THUMPD3: variants seen among roughly 807,000 people sequenced by gnomAD.
THUMPD3 encodes the protein tRNA (guanine(6)-N(2))-methyltransferase THUMP3.
Under a neutral mutation model 54.5 loss-of-function variants are expected in THUMPD3, and 44 were observed. The ratio of observed to expected loss-of-function variants is 0.81; its 90% CI spans 0.63 to 1.04. The LOEUF is 1.04. Ranked by LOEUF, THUMPD3 falls within the 50% of genes least tolerant of loss-of-function variation. The pLI is 0.00. For synonymous variants in THUMPD3, 196 were observed against 201.4 expected, an observed-to-expected ratio of 0.97 and a Z score of 0.23; for missense variants, 604 against 601.3, an observed-to-expected ratio of 1.00 and a Z score of -0.05.
intron 7 of THUMPD3, among the ~76,000 whole-genome samples, chr3:9,381,328 A>G (rs2032875044): frequency 6.6e-6 from 1 of 152,176 alleles, no homozygotes; most frequent in African/African-American, 2.4e-5. Flanking sequence ...TTGGTTATAT[A>G]TTTCATTGTC....
At chr3:9,384,186 T>C (rs755750155) in intron 8 of THUMPD3, 26 bp from the exon 9 acceptor site, 1 of 1,609,950 alleles carries the variant, frequency 6.2e-7, no homozygotes, top group East Asian at 2.2e-5. Context: ...TTGCAAGTGT[T>C]TGACTCATGA....
In THUMPD3 at chr3:9,385,741, G is replaced by C. The variant is rs891203487; in HGVS notation, c.*1053G>C. On this transcript the variant is annotated 3_prime_UTR_variant, in exon 10 of 10. Coordinates refer to ENST00000452837, the MANE Select transcript of THUMPD3 (RefSeq NM_001114092.2). ...TGTTTTCAAAACCAAACACAAACCT[G>C]TCAAGAGTATTTGTTGGCTAGTTTC... 2 of 152,166 alleles carry C rather than the reference G, an allele frequency of 1.3e-5. 1 individual carries two copies. The highest frequency in any genetic ancestry group is 2.9e-5 in the Non-Finnish European group (2 of 68,036). 9.4% of individuals were successfully genotyped at this position (152,166 alleles called of 1,614,324 possible).
chr3:9,366,886 T>G, intron 2 of THUMPD3, 22 bp from the exon 3 acceptor site: 1 of 1,592,618 alleles, frequency 6.3e-7, no homozygotes, highest in Non-Finnish European at 8.6e-7. Flanking sequence ...CTCAGAAATG[T>G]GTTTCTTTTT....
chr3:9,384,826 G>A lies in THUMPD3; in HGVS notation c.*138G>A, dbSNP rs2033220806. 2.1e-6 allele frequency: 2 copies of A among 964,516 alleles called. No individual in the cohort carries two copies. Among genetic ancestry groups the A allele is most frequent in the Non-Finnish European group, 3.0e-6 (2 of 656,602 alleles). The allele number at this position is 964,516 out of a possible 1,614,324, so 59.7% of individuals were successfully genotyped here. On this transcript the variant is annotated 3_prime_UTR_variant, in exon 10 of 10. Transcript: ENST00000452837. ...GGCTCTTCATCCTGGTTAGCAAAAGGTGTGAATGTAATGTGATGGAATTTA... is the reference window on the plus strand; with the variant it reads ...GGCTCTTCATCCTGGTTAGCAAAAGATGTGAATGTAATGTGATGGAATTTA...
In THUMPD3 at chr3:9,374,513, T is replaced by C; in HGVS notation, c.808-3T>C. On this transcript the variant is annotated splice_region_variant and splice_polypyrimidine_tract_variant and intron_variant, in intron 4 of 9. Coordinates refer to ENST00000452837, the MANE Select transcript of THUMPD3 (RefSeq NM_001114092.2). ...TATTTTGTCTTGTTCCACTTTGCTA[T>C]AGGTTCTTTTGAACATCCATGATAA... 6.2e-7 allele frequency: 1 copy of C among 1,613,248 alleles called. No individual in the cohort carries two copies.
At position 9,373,139 on chromosome 3, in the gene THUMPD3, A is replaced by G. The variant is rs370329552; in HGVS notation, c.808-1377A>G. The stretch of plus-strand genomic sequence containing the variant: ...AATGAATAGGTTAACCAGAACAGTG[A>G]TGTCTAAAAGTTAGCAAGGTGATTC... On this transcript the variant is annotated intron_variant, in intron 4 of 9. Coordinates refer to ENST00000452837, the MANE Select transcript of THUMPD3 (RefSeq NM_001114092.2). Among the ~76,000 whole-genome samples the G allele has an allele frequency of 1.6e-4, 25 of 152,244 alleles. No individual in the cohort carries two copies. The East Asian group carries it at 4.6e-3, about 28-fold the overall frequency.
Position 9,371,551 on chromosome 3 carries a change from T to G in THUMPD3, c.807+15T>G. Reference sequence around the variant, plus strand: ...TTGATGTGGAGGTAGGTATAGGCTCTGACTGTGGTGATTGAAGAATGCTGT... The same window carrying G: ...TTGATGTGGAGGTAGGTATAGGCTCGGACTGTGGTGATTGAAGAATGCTGT... On this transcript the variant is annotated intron_variant, in intron 4 of 9. Coordinates refer to ENST00000452837, the MANE Select transcript of THUMPD3 (RefSeq NM_001114092.2). The G allele has an allele frequency of 6.3e-7, 1 of 1,575,450 alleles. No individual in the cohort carries two copies. The highest frequency in any genetic ancestry group is 8.7e-7 in the Non-Finnish European group (1 of 1,155,644).
rs2033215581 is a variant in THUMPD3 at position 9,384,762 on chromosome 3, T to C, written c.*74T>C. ...AAAGAACTTGGAGAGGAAAAAAGTATTAACAAAACTGCAGTCTGCACTCTT... is the reference window on the plus strand; with the variant it reads ...AAAGAACTTGGAGAGGAAAAAAGTACTAACAAAACTGCAGTCTGCACTCTT... On this transcript the variant is annotated 3_prime_UTR_variant, in exon 10 of 10. Coordinates refer to ENST00000452837, the MANE Select transcript of THUMPD3 (RefSeq NM_001114092.2). 1.3e-6 allele frequency: 2 copies of C among 1,549,996 alleles called. No homozygotes were observed. The highest frequency in any genetic ancestry group is 1.4e-5 in the African/African-American group (1 of 73,562).
intron 6 of THUMPD3, 52 bp downstream of exon 6, chr3:9,377,940 T>G: frequency 7.0e-7 from 1 of 1,431,654 alleles, no homozygotes; most frequent in Non-Finnish European, 9.8e-7. Context: ...CAGAATATTC[T>G]AGACCTAATG....
rs190398057 is a variant in THUMPD3, at chr3:9,381,267, A to C, written c.1124+649A>C. 5.9e-5 allele frequency among the ~76,000 whole-genome samples: 9 copies of C among 152,330 alleles called. No homozygotes were observed. The East Asian group carries it at 1.7e-3, about 29-fold the overall frequency. Reference sequence around the variant, plus strand: ...AAAGTCACTACATAAATTCCATCGTATAGAAATACTGCAGTTTATATAGCC... The same window carrying C: ...AAAGTCACTACATAAATTCCATCGTCTAGAAATACTGCAGTTTATATAGCC... On this transcript the variant is annotated intron_variant, in intron 7 of 9. Transcript: ENST00000452837.
chr3:9,386,747 G>T lies in THUMPD3; in HGVS notation c.*2059G>T, dbSNP rs1255559500. 1 of 152,058 alleles carries T rather than the reference G, an allele frequency of 6.6e-6. No homozygotes were observed. 9.4% of individuals were successfully genotyped at this position (152,058 alleles called of 1,614,324 possible). On this transcript the variant is annotated 3_prime_UTR_variant, in exon 10 of 10. Coordinates refer to ENST00000452837, the MANE Select transcript of THUMPD3 (RefSeq NM_001114092.2). ...TCAAAGTGGGTCTCCTGGACTAAAA[G>T]AATGTGAAAAGATGGGGAAATAAAT...
chr3:9,372,240 T>C (rs1417193792), intron 4 of THUMPD3, among the ~76,000 whole-genome samples: 1 of 152,220 alleles, frequency 6.6e-6, no homozygotes, highest in Admixed American at 6.5e-5. Context: ...AAAATAGTTA[T>C]TTTGTTTTTG....
chr3:9,381,739 T>C (rs1270565900), intron 7 of THUMPD3, among the ~76,000 whole-genome samples: 1 of 147,004 alleles, frequency 6.8e-6, no homozygotes, highest in African/African-American at 2.5e-5. Flanking sequence ...GTACCTACAC[T>C]GTCTGTTCAA....
Position 9,374,748 on chromosome 3 carries a change from G to A in THUMPD3, c.938+102G>A. On this transcript the variant is annotated intron_variant, in intron 5 of 9. Transcript: ENST00000452837. ...GTATGTGTGTTTGAGGTACTGTGTT[G>A]GAATAGAGTGGATAAAGAATAGAAT... 3 of 1,271,476 alleles carry A rather than the reference G, an allele frequency of 2.4e-6. No homozygotes were observed. In the South Asian group the frequency reaches 4.1e-5, roughly 18 times the overall value. 78.8% of individuals were successfully genotyped at this position (1,271,476 alleles called of 1,614,324 possible). A position where few individuals can be genotyped will look rare whatever the true frequency, so the allele number is the denominator to read the frequency against.
At chr3:9,383,142 G>A (rs1347152455) in intron 7 of THUMPD3, 57 bp from the exon 8 acceptor site, 9 of 1,237,640 alleles carry the variant, frequency 7.3e-6, no homozygotes, top group Admixed American at 7.1e-5. Context: ...AACAAAAATT[G>A]TTGTAATAAC....
intron 3 of THUMPD3, among the ~76,000 whole-genome samples, chr3:9,370,653 C>T (rs561974758): frequency 1.3e-5 from 2 of 152,254 alleles, no homozygotes; most frequent in African/African-American, 4.8e-5. Context: ...GCCATGTTGC[C>T]CAGTCTGGTC....
At chr3:9,377,678 A>G in intron 5 of THUMPD3, 141 bp from the exon 6 acceptor site, 1 of 617,402 alleles carries the variant, frequency 1.6e-6, no homozygotes, top group Non-Finnish European at 2.8e-6. Flanking sequence ...CGCGGCCACA[A>G]ATTGATTTCT....
Position 9,385,581 on chromosome 3 carries a change from C to A in THUMPD3, c.*893C>A, listed in dbSNP as rs1050969184. ...TAATACACAGAATGAAAATAGAGGT[C>A]TAGGAATTATCAAAGGTACTGCAAA... On this transcript the variant is annotated 3_prime_UTR_variant, in exon 10 of 10. Coordinates refer to ENST00000452837, the MANE Select transcript of THUMPD3 (RefSeq NM_001114092.2). The A allele has an allele frequency of 6.6e-6, 1 of 152,152 alleles. No homozygotes were observed. Among genetic ancestry groups the A allele is most frequent in the Middle Eastern group, 3.2e-3 (1 of 316 alleles). The allele number at this position is 152,152 out of a possible 1,614,324, so 9.4% of individuals were successfully genotyped here. A position where few individuals can be genotyped will look rare whatever the true frequency, so the allele number is the denominator to read the frequency against.
chr3:9,366,238 G>A (rs1471898595), intron 2 of THUMPD3, among the ~76,000 whole-genome samples: 1 of 152,110 alleles, frequency 6.6e-6, no homozygotes, highest in Non-Finnish European at 1.5e-5. Flanking sequence ...AAAAGTGAAG[G>A]TCAGAAAACT....
Sources: allele counts gnomAD v4.1 joint callset (sites outside exome capture counted in the v4.1 genomes callset), GRCh38; gene constraint gnomAD v4.1.1; transcripts MANE v1.5; gene names NCBI Gene and HGNC (gene_info 2026-07-23, HGNC 2026-07-21).